FGD3: variants seen among roughly 807,000 people sequenced by gnomAD.
The protein encoded by FGD3 is FYVE, RhoGEF and PH domain-containing protein 3.
FGD3 carries 45 observed loss-of-function variants against 71.8 expected under a neutral mutation model. That is an observed-to-expected ratio of 0.63 (90% confidence interval 0.49 to 0.80). FGD3 has a LOEUF of 0.80. Among genes scored for constraint, FGD3 ranks in the 30% least tolerant of loss-of-function variants. FGD3 has a pLI of 0.00. For synonymous variants in FGD3, 378 were observed against 392.8 expected, an observed-to-expected ratio of 0.96 and a Z score of 0.44; for missense variants, 844 against 951.5, an observed-to-expected ratio of 0.89 and a Z score of 1.49.
chr9:92,979,319 G>C (rs1372489157), intron 3 of FGD3, among the ~76,000 whole-genome samples: 1 of 152,156 alleles, frequency 6.6e-6, no homozygotes, highest in Non-Finnish European at 1.5e-5. Context: ...TATCATGAAA[G>C]GATGTTGAAT....
intron 12 of FGD3, 120 bp downstream of exon 12, chr9:93,019,981 C>T: frequency 2.8e-6 from 3 of 1,053,118 alleles, no homozygotes; most frequent in South Asian, 1.3e-5. Context: ...GTGCTGTACC[C>T]TGCAGGGATG....
chr9:93,035,618 C>G lies in FGD3; in HGVS notation c.*29C>G, dbSNP rs1236638475. On this transcript the variant is annotated 3_prime_UTR_variant, in exon 18 of 18. Coordinates refer to ENST00000375482, the MANE Select transcript of FGD3 (RefSeq NM_001083536.2). ...GAGTCTCCCACTGCCCTGCACACCA[C>G]CACATTGGACCTGTGCTGTCCTGGG... 3 of 1,558,844 alleles carry G rather than the reference C, an allele frequency of 1.9e-6. No individual in the cohort carries two copies. Among genetic ancestry groups the G allele is most frequent in the South Asian group, 1.2e-5 (1 of 85,480 alleles).
intron 13 of FGD3, among the ~76,000 whole-genome samples, chr9:93,021,516 G>T (rs964996367): frequency 6.6e-6 from 1 of 152,148 alleles, no homozygotes; most frequent in Non-Finnish European, 1.5e-5. Context: ...GGGGTTGGAA[G>T]TGTAGCAAGG....
At chr9:93,007,931 A>G (rs111602586) in intron 6 of FGD3, among the ~76,000 whole-genome samples, 14 of 152,298 alleles carry the variant, frequency 9.2e-5, no homozygotes, top group African/African-American at 3.1e-4. Flanking sequence ...CCGAAGGTCC[A>G]TAGTGCCCAG....
intron 1 of FGD3, among the ~76,000 whole-genome samples, chr9:92,954,957 G>A (rs982682894): frequency 7.9e-5 from 12 of 152,304 alleles, no homozygotes; most frequent in Admixed American, 2.6e-4. Flanking sequence ...TGGAACTCAC[G>A]GTCTGCCTGG....
chr9:92,969,673 G>A lies in FGD3; in HGVS notation c.-217-5565G>A, dbSNP rs1859465693. ...TGGTGGGTTTCTTTCAGATGGGGGG[G>A]GACTCCCGCACGGCCTCCCGGGAAG... On this transcript the variant is annotated intron_variant, in intron 1 of 17. Coordinates refer to ENST00000375482, the MANE Select transcript of FGD3 (RefSeq NM_001083536.2). The surrounding 1 kb of genome is among the most constrained non-coding windows in gnomAD (Gnocchi z 4.5). Among the ~76,000 whole-genome samples the A allele has an allele frequency of 6.6e-6, 1 of 152,096 alleles. No individual in the cohort carries two copies. Among genetic ancestry groups the A allele is most frequent in the African/African-American group, 2.4e-5 (1 of 41,408 alleles).
chr9:92,961,627 T>C (rs759760165), intron 1 of FGD3, among the ~76,000 whole-genome samples: 2 of 152,230 alleles, frequency 1.3e-5, no homozygotes, highest in Non-Finnish European at 2.9e-5. Context: ...CTCTTTAGTT[T>C]TGATGGGTCA....
chr9:92,990,057 G>A (rs1020966581), intron 3 of FGD3, among the ~76,000 whole-genome samples: 6 of 151,458 alleles, frequency 4.0e-5, no homozygotes, highest in South Asian at 2.1e-4. Flanking sequence ...ACTGTTGTTC[G>A]TATATTGATT....
At chr9:92,961,677 A>G (rs537674240) in intron 1 of FGD3, among the ~76,000 whole-genome samples, 1 of 152,286 alleles carries the variant, frequency 6.6e-6, no homozygotes, top group African/African-American at 2.4e-5. Context: ...GGGACCTCTC[A>G]TGAGGCTACA....
chr9:93,029,866 C>T lies in FGD3; in HGVS notation c.1558-8C>T, dbSNP rs1055257783. 1.2e-6 allele frequency: 2 copies of T among 1,611,394 alleles called. No individual in the cohort carries two copies. Among genetic ancestry groups the T allele is most frequent in the African/African-American group, 2.7e-5 (2 of 74,858 alleles). ...AGAAGCTGATGGCATCTATTTGCCT[C>T]CTTATAGCTCGAGCCCAGAAAACTA... is the stretch of plus-strand genomic sequence containing the variant. On this transcript the variant is annotated splice_region_variant and splice_polypyrimidine_tract_variant and intron_variant, in intron 14 of 17. Transcript: ENST00000375482.
chr9:92,989,012 A>G (rs543526317), intron 3 of FGD3, among the ~76,000 whole-genome samples: 33 of 152,172 alleles, frequency 2.2e-4, no homozygotes, highest in African/African-American at 7.9e-4. Flanking sequence ...TTCATGAAAC[A>G]TTATCCTCTT....
chr9:92,952,365 T>A (rs1292335745), intron 1 of FGD3, among the ~76,000 whole-genome samples: 1 of 151,830 alleles, frequency 6.6e-6, no homozygotes, highest in Non-Finnish European at 1.5e-5. Flanking sequence ...ACCTCCCAAG[T>A]AGCTGGGACT....
intron 13 of FGD3, among the ~76,000 whole-genome samples, chr9:93,021,410 G>C (rs1381284694): frequency 1.3e-5 from 2 of 152,198 alleles, no homozygotes; most frequent in Non-Finnish European, 2.9e-5. Context: ...TCCTCCCGGG[G>C]CTTCCCTGGA....
Position 93,010,227 on chromosome 9 carries a change from G to A in FGD3, c.838-19G>A, listed in dbSNP as rs760212532. On this transcript the variant is annotated intron_variant, in intron 6 of 17. Coordinates refer to ENST00000375482, the MANE Select transcript of FGD3 (RefSeq NM_001083536.2). ...CACACGTGTCCTTGGAGTGCCCAAT[G>A]CTCCCTCTGTCCCCACAGAAGCAGG... 12 of 1,593,734 alleles carry A rather than the reference G, an allele frequency of 7.5e-6. No individual in the cohort carries two copies. Among genetic ancestry groups the A allele is most frequent in the Non-Finnish European group, 2.6e-6 (3 of 1,165,796 alleles).
chr9:93,020,590 A>G (rs780102880), intron 13 of FGD3, 166 bp downstream of exon 13: 6 of 614,560 alleles, frequency 9.8e-6, no homozygotes, highest in Non-Finnish European at 1.7e-5. Context: ...AAAACTTAAG[A>G]CAAATTAAAT....
chr9:93,019,905 T>G, intron 12 of FGD3, 44 bp downstream of exon 12: 1 of 1,607,492 alleles, frequency 6.2e-7, no homozygotes, highest in South Asian at 1.1e-5. Flanking sequence ...ACCAAGTGAT[T>G]GAGCAGTAAG....
chr9:92,996,399 C>A (rs1452057052), intron 3 of FGD3, among the ~76,000 whole-genome samples: 8 of 151,764 alleles, frequency 5.3e-5, no homozygotes, highest in Non-Finnish European at 1.0e-4. Context: ...ATGGTCTATC[C>A]ATTTTGTTGA....
At chr9:93,009,505 G>A (rs778703090) in intron 6 of FGD3, among the ~76,000 whole-genome samples, 39 of 152,350 alleles carry the variant, frequency 2.6e-4, no homozygotes, top group Admixed American at 1.0e-3. Flanking sequence ...GACAAAGTCA[G>A]CAGGCCCTCA....
chr9:93,017,635 C>A (rs1242773907), intron 10 of FGD3, among the ~76,000 whole-genome samples: 1 of 152,128 alleles, frequency 6.6e-6, no homozygotes, highest in African/African-American at 2.4e-5. Flanking sequence ...TAGTTCTGGG[C>A]ACACATTGTC....
Sources: gnomAD v4.1 joint callset for allele counts (sites outside exome capture counted in the v4.1 genomes callset) on GRCh38, gnomAD v4.1.1 for gene constraint, Gnocchi (gnomAD v3.1) non-coding constraint, MANE v1.5 for transcripts, NCBI Gene and HGNC (gene_info 2026-07-23, HGNC 2026-07-21) for gene names.